Variants in IKZF3 observed in about 807,000 individuals in gnomAD.
IKZF3 encodes IKAROS family zinc finger 3, also known as zinc finger protein Aiolos.
A neutral mutation model predicts 49.0 loss-of-function variants in IKZF3; 10 were observed. The ratio of observed to expected loss-of-function variants is 0.20; its 90% CI spans 0.13 to 0.35. The LOEUF is 0.35. Among genes scored for constraint, IKZF3 ranks in the 10% least tolerant of loss-of-function variants. The pLI, the probability that IKZF3 is intolerant of heterozygous loss-of-function variation, is 1.00. For missense variants in IKZF3, 498 were observed against 664.8 expected, an observed-to-expected ratio of 0.75 and a Z score of 2.76; for synonymous variants, 209 against 228.2, an observed-to-expected ratio of 0.92 and a Z score of 0.76.
chr17:39,802,897 T>A (rs1174626688), intron 3 of IKZF3, among the ~76,000 whole-genome samples: 4 of 151,858 alleles, frequency 2.6e-5, no homozygotes, highest in Non-Finnish European at 5.9e-5. Context: ...AGCATTAGCA[T>A]GTAAAAAGTT....
intron 1 of IKZF3, 131 bp from the exon 2 acceptor site, chr17:39,832,282 T>TC: frequency 1.7e-6 from 1 of 590,592 alleles, no homozygotes; most frequent in Non-Finnish European, 3.0e-6. Context: ...GCAAGATTAC[T>TC]CTTTCTCTAT....
intron 1 of IKZF3, among the ~76,000 whole-genome samples, chr17:39,848,381 A>G (rs938494758): frequency 5.3e-5 from 8 of 152,194 alleles, no homozygotes; most frequent in Non-Finnish European, 8.8e-5. Flanking sequence ...ATACATTCCA[A>G]TTTTACCTTG....
chr17:39,788,924 TTAAC>T (rs2143843269), intron 5 of IKZF3, among the ~76,000 whole-genome samples: 1 of 152,264 alleles, frequency 6.6e-6, no homozygotes, highest in South Asian at 2.1e-4. Flanking sequence ...ACTGAGCTAA[TTAAC>T]TACGGATTTT....
At chr17:39,767,987 G>A (rs756578275) in intron 7 of IKZF3, among the ~76,000 whole-genome samples, 1 of 152,156 alleles carries the variant, frequency 6.6e-6, no homozygotes, top group Non-Finnish European at 1.5e-5. Context: ...GGGAGGCAGA[G>A]ATTGTAGTGA....
At chr17:39,819,709 G>T (rs1189409265) in intron 3 of IKZF3, among the ~76,000 whole-genome samples, 1 of 152,136 alleles carries the variant, frequency 6.6e-6, no homozygotes, top group Non-Finnish European at 1.5e-5. Flanking sequence ...TCACTCTATT[G>T]TCCAGGCTGG....
chr17:39,801,876 G>GA (rs1426612788), intron 3 of IKZF3, among the ~76,000 whole-genome samples: 2 of 151,652 alleles, frequency 1.3e-5, no homozygotes, highest in Non-Finnish European at 2.9e-5. Flanking sequence ...TGTTAATTTT[G>GA]AAAATGCCTA....
intron 1 of IKZF3, among the ~76,000 whole-genome samples, chr17:39,843,236 G>C (rs545952176): frequency 6.6e-6 from 1 of 152,300 alleles, no homozygotes; most frequent in African/African-American, 2.4e-5. Context: ...TCCTGGTTTT[G>C]ATGATTTTAT....
At chr17:39,791,660 G>T in intron 4 of IKZF3, 77 bp from the exon 5 acceptor site, 4 of 1,420,890 alleles carry the variant, frequency 2.8e-6, no homozygotes, top group Non-Finnish European at 3.9e-6. Context: ...ATGCCTAGGG[G>T]AAAAGCTCAT....
intron 7 of IKZF3, among the ~76,000 whole-genome samples, chr17:39,776,902 C>T (rs936250926): frequency 6.6e-5 from 10 of 152,180 alleles, no homozygotes; most frequent in African/African-American, 2.4e-4. Context: ...TCAATATCAC[C>T]AACTTTCAAT....
chr17:39,822,482 A>G (rs1306663410), intron 3 of IKZF3, among the ~76,000 whole-genome samples: 1 of 152,072 alleles, frequency 6.6e-6, no homozygotes, highest in African/African-American at 2.4e-5. Flanking sequence ...ACTTTCTGCC[A>G]TGATTGTAAG....
intron 3 of IKZF3, among the ~76,000 whole-genome samples, chr17:39,820,586 C>T (rs1164160084): frequency 6.6e-6 from 1 of 152,108 alleles, no homozygotes; most frequent in African/African-American, 2.4e-5. Flanking sequence ...TTGGAATTTC[C>T]TAAGTGATAG....
intron 3 of IKZF3, among the ~76,000 whole-genome samples, chr17:39,823,551 G>A (rs1372721097): frequency 6.6e-6 from 1 of 152,122 alleles, no homozygotes; most frequent in Non-Finnish European, 1.5e-5. Context: ...CCTTCACAGC[G>A]GCCCCTCCCA....
Position 39,764,619 on chromosome 17 carries a change from T to C in IKZF3, c.*1171A>G, listed in dbSNP as rs1472721787. On this transcript the variant is annotated 3_prime_UTR_variant, in exon 8 of 8. Transcript: ENST00000346872. ...TATTATGAGTGACAAGGATGACTTA[T>C]ACATCTGCAGAACCGTGATCAGACT... 9 of 152,182 alleles carry C rather than the reference T, an allele frequency of 5.9e-5. No individual in the cohort carries two copies. The highest frequency in any genetic ancestry group is 5.2e-4 in the Admixed American group (8 of 15,280). The allele number at this position is 152,182 out of a possible 1,614,324, so 9.4% of individuals were successfully genotyped here. A position where few individuals can be genotyped will look rare whatever the true frequency, so the allele number is the denominator to read the frequency against.
intron 1 of IKZF3, chr17:39,835,838 C>A: frequency 1.8e-6 from 1 of 570,704 alleles, no homozygotes; most frequent in Non-Finnish European, 3.4e-6. Flanking sequence ...CAATTTTATT[C>A]TCCATCTCTG....
chr17:39,795,570 C>A (rs2061141176), intron 3 of IKZF3, among the ~76,000 whole-genome samples: 1 of 151,902 alleles, frequency 6.6e-6, no homozygotes. Context: ...CAATGCCTGG[C>A]TGATTTTTGT....
At chr17:39,852,970 C>T (rs886526364) in intron 1 of IKZF3, among the ~76,000 whole-genome samples, 3 of 151,354 alleles carry the variant, frequency 2.0e-5, no homozygotes, top group African/African-American at 7.3e-5. Context: ...GACTACATCT[C>T]AAAAAAAACA....
intron 1 of IKZF3, among the ~76,000 whole-genome samples, chr17:39,854,034 G>C (rs906596419): frequency 6.6e-6 from 1 of 152,170 alleles, no homozygotes; most frequent in Non-Finnish European, 1.5e-5. Context: ...GCTGAGGCAG[G>C]AGAATCACTT....
At position 39,766,247 on chromosome 17, in the gene IKZF3, T is replaced by C; in HGVS notation, c.1073A>G (p.Glu358Gly). ...AAGGTGGATGCTTTTCTTTTCCAGC[T>C]CTTGAGGGGCACCGTTTGACATCTC... is the stretch of plus-strand genomic sequence containing the variant. ...RAEMSNGAPQELEKKSIHLPE... is the reference protein window; with the variant it reads ...RAEMSNGAPQGLEKKSIHLPE... The change falls in exon 8 of 8, where the codon GAG (glutamate) becomes GGG (glycine). Residue 358 changes from glutamate (E) to glycine (G), a missense_variant. Physicochemically the swap from Glu to Gly is moderately conservative, Grantham distance 98. Coordinates refer to ENST00000346872, the MANE Select transcript of IKZF3 (RefSeq NM_012481.5). 4 of 1,614,118 alleles carry C rather than the reference T, an allele frequency of 2.5e-6. No homozygotes were observed. The highest frequency in any genetic ancestry group is 3.4e-6 in the Non-Finnish European group (4 of 1,180,022).
intron 3 of IKZF3, among the ~76,000 whole-genome samples, chr17:39,808,703 A>C (rs907452325): frequency 8.5e-5 from 13 of 152,348 alleles, no homozygotes; most frequent in Admixed American, 8.5e-4. Flanking sequence ...ACAAAATAAG[A>C]AAATAAAGAA....
Sources: gnomAD v4.1 joint callset for allele counts (sites outside exome capture counted in the v4.1 genomes callset) on GRCh38, gnomAD v4.1.1 for gene constraint, MANE v1.5 for transcripts, NCBI Gene and HGNC (gene_info 2026-07-23, HGNC 2026-07-21) for gene names.